RBFOX1: variants seen among roughly 807,000 people sequenced by gnomAD.
The protein encoded by RBFOX1 is RNA binding fox-1 homolog 1, also known as RNA binding protein fox-1 homolog 1.
In RBFOX1, 8 loss-of-function variants were observed where a neutral mutation model predicts 57.7. That is an observed-to-expected ratio of 0.14 (90% confidence interval 0.08 to 0.25). The LOEUF (loss-of-function observed/expected upper bound fraction) is 0.25, where lower values mean the gene tolerates loss of function less well. Ranked by LOEUF, RBFOX1 falls within the 10% of genes least tolerant of loss-of-function variation. RBFOX1 has a pLI of 1.00. For missense variants in RBFOX1, 611 were observed against 548.5 expected, an observed-to-expected ratio of 1.11 and a Z score of -1.14; for synonymous variants, 326 against 222.4, an observed-to-expected ratio of 1.47 and a Z score of -4.15.
At chr16:6,228,825 C>A (rs781487333) in intron 1 of RBFOX1, among the ~76,000 whole-genome samples, 4 of 151,992 alleles carry the variant, frequency 2.6e-5, no homozygotes, top group African/African-American at 9.7e-5. Flanking sequence ...AACACAAGGA[C>A]GTGAAATAAT....
At chr16:7,226,478 A>T (rs1366876852) in intron 4 of RBFOX1, among the ~76,000 whole-genome samples, 1 of 152,136 alleles carries the variant, frequency 6.6e-6, no homozygotes, top group South Asian at 2.1e-4. Context: ...TTGACTCTCC[A>T]CTTGATGCTG....
At chr16:5,401,249 T>C (rs1228605451) in intron 1 of RBFOX1, among the ~76,000 whole-genome samples, 3 of 152,342 alleles carry the variant, frequency 2.0e-5, no homozygotes, top group South Asian at 4.1e-4. Flanking sequence ...TCATTTTGTG[T>C]AGGTTTGAGG....
At chr16:7,678,090 A>T (rs1398849244) in intron 14 of RBFOX1, among the ~76,000 whole-genome samples, 2 of 152,206 alleles carry the variant, frequency 1.3e-5, no homozygotes, top group African/African-American at 2.4e-5. Flanking sequence ...CTTTGGCAAG[A>T]TGGAGTTGAG....
intron 1 of RBFOX1, among the ~76,000 whole-genome samples, chr16:5,397,623 G>T (rs1462194499): frequency 6.6e-6 from 1 of 152,198 alleles, no homozygotes; most frequent in Non-Finnish European, 1.5e-5. Flanking sequence ...TTCAATAGAT[G>T]AAAGGCATGA....
chr16:6,336,344 C>A (rs546348405), intron 2 of RBFOX1, among the ~76,000 whole-genome samples: 1 of 150,360 alleles, frequency 6.7e-6, no homozygotes, highest in African/African-American at 2.4e-5. Context: ...TATAGGCGCC[C>A]GCCACCACGC....
chr16:5,828,708 A>G (rs1284512920), intron 3 of RBFOX1, among the ~76,000 whole-genome samples: 1 of 152,102 alleles, frequency 6.6e-6, no homozygotes, highest in Non-Finnish European at 1.5e-5. Context: ...AAGAAAAGAA[A>G]AGAAAAAAAT....
At chr16:6,820,760 G>A (rs975295178) in intron 3 of RBFOX1, among the ~76,000 whole-genome samples, 2 of 152,160 alleles carry the variant, frequency 1.3e-5, no homozygotes, top group African/African-American at 4.8e-5. Context: ...TCAAATCGAT[G>A]CTAAGTCAGA....
At chr16:7,172,460 C>T (rs1475694673) in intron 4 of RBFOX1, among the ~76,000 whole-genome samples, 2 of 152,136 alleles carry the variant, frequency 1.3e-5, no homozygotes, top group Non-Finnish European at 1.5e-5. Flanking sequence ...TCTCTGTCTC[C>T]CACAACCACC....
At chr16:6,348,422 C>G (rs1006041409) in intron 2 of RBFOX1, among the ~76,000 whole-genome samples, 1 of 152,172 alleles carries the variant, frequency 6.6e-6, no homozygotes, top group Non-Finnish European at 1.5e-5. Flanking sequence ...GCTGCCCTTA[C>G]GTCAGGGGAA....
chr16:6,631,747 C>A (rs937529709), intron 2 of RBFOX1, among the ~76,000 whole-genome samples: 24 of 152,070 alleles, frequency 1.6e-4, no homozygotes, highest in Admixed American at 1.3e-3. Flanking sequence ...GGTGTCTGAA[C>A]TGACCTTGGG....
chr16:5,949,451 G>T (rs76277829), intron 4 of RBFOX1, among the ~76,000 whole-genome samples: 1 of 147,274 alleles, frequency 6.8e-6, no homozygotes. Flanking sequence ...ACGTGAACCC[G>T]GGAGGCAGAG....
chr16:6,381,451 T>G (rs1464266182), intron 2 of RBFOX1, among the ~76,000 whole-genome samples: 1 of 152,202 alleles, frequency 6.6e-6, no homozygotes, highest in African/African-American at 2.4e-5. Context: ...ACGGGCTTGA[T>G]GACCTTGCAG....
chr16:6,654,378 C>T (rs565385651), intron 2 of RBFOX1, among the ~76,000 whole-genome samples: 2 of 152,192 alleles, frequency 1.3e-5, no homozygotes, highest in Non-Finnish European at 2.9e-5. Context: ...TCCACATCTG[C>T]ATGTAATAAA....
intron 3 of RBFOX1, among the ~76,000 whole-genome samples, chr16:6,796,292 C>T (rs2084025005): frequency 6.6e-6 from 1 of 152,100 alleles, no homozygotes; most frequent in Non-Finnish European, 1.5e-5. Context: ...GGGTTCCTCC[C>T]ATGACACTTG....
At chr16:6,598,077 T>A (rs1326554457) in intron 2 of RBFOX1, among the ~76,000 whole-genome samples, 1 of 152,222 alleles carries the variant, frequency 6.6e-6, no homozygotes, top group Non-Finnish European at 1.5e-5. Context: ...GGTTTTCTGG[T>A]ACTTGTGGCA....
At chr16:6,734,007 C>G (rs2069390908) in intron 3 of RBFOX1, among the ~76,000 whole-genome samples, 1 of 152,144 alleles carries the variant, frequency 6.6e-6, no homozygotes, top group Non-Finnish European at 1.5e-5. Context: ...CAGTCCCTGC[C>G]ACATCATTAC....
At chr16:6,852,542 C>T (rs759821537) in intron 3 of RBFOX1, among the ~76,000 whole-genome samples, 6 of 152,172 alleles carry the variant, frequency 3.9e-5, no homozygotes, top group African/African-American at 9.7e-5. Flanking sequence ...TTAACTTTGG[C>T]GAGATACATG....
At chr16:5,394,567 T>C (rs79610199) in intron 1 of RBFOX1, among the ~76,000 whole-genome samples, 1 of 67,916 alleles carries the variant, frequency 1.5e-5, no homozygotes, top group Non-Finnish European at 2.9e-5. Context: ...CTTTCTGTCT[T>C]TTTTTTTTTT....
Position 6,019,418 on chromosome 16 carries a change from G to T in RBFOX1, c.-701G>T. On this transcript the variant is annotated 5_prime_UTR_variant, in exon 1 of 16. Coordinates refer to ENST00000550418, the MANE Select transcript of RBFOX1 (RefSeq NM_018723.4). This position sits in a 1 kb window ranked among gnomAD's most constrained non-coding sequence, Gnocchi z 4.2. ...AGCAGCGCGGAGGGTGGCGGACGGC[G>T]GACGGAGCCCAGGGGCCGCGTCGGG... 2.0e-6 allele frequency: 2 copies of T among 987,226 alleles called. No homozygotes were observed. The highest frequency in any genetic ancestry group is 1.2e-6 in the Non-Finnish European group (1 of 831,366). 61.2% of individuals were successfully genotyped at this position (987,226 alleles called of 1,614,324 possible). A position where few individuals can be genotyped will look rare whatever the true frequency, so the allele number is the denominator to read the frequency against.
Sources: gnomAD v4.1 joint callset for allele counts (sites outside exome capture counted in the v4.1 genomes callset) on GRCh38, gnomAD v4.1.1 for gene constraint, Gnocchi (gnomAD v3.1) non-coding constraint, MANE v1.5 for transcripts, NCBI Gene and HGNC (gene_info 2026-07-23, HGNC 2026-07-21) for gene names.